The following GPD2 variants were observed in gnomAD, a reference collection of about 807,000 sequenced individuals.
GPD2 encodes the protein glycerol-3-phosphate dehydrogenase 2, also known as glycerol-3-phosphate dehydrogenase, mitochondrial.
Under a neutral mutation model 82.4 loss-of-function variants are expected in GPD2, and 54 were observed. The observed-to-expected ratio is 0.66, with a 90% CI of 0.53 to 0.82. The LOEUF (loss-of-function observed/expected upper bound fraction) is 0.82, where lower values mean the gene tolerates loss of function less well. Among genes scored for constraint, GPD2 ranks in the 40% least tolerant of loss-of-function variants. The pLI is 0.00. For synonymous variants in GPD2, 288 were observed against 306.1 expected, an observed-to-expected ratio of 0.94 and a Z score of 0.62; for missense variants, 748 against 896.2, an observed-to-expected ratio of 0.83 and a Z score of 2.11.
At chr2:156,426,498 G>A in the GPD2 span, among the ~76,000 whole-genome samples, 587 of 152,226 alleles carry the variant, frequency 3.9e-3, 4 homozygotes, top group Non-Finnish European at 7.1e-3. Flanking sequence ...TAACACATGG[G>A]AATTATAATT....
At chr2:156,535,235 A>G (rs1403667887) in intron 6 of GPD2, among the ~76,000 whole-genome samples, 1 of 151,678 alleles carries the variant, frequency 6.6e-6, no homozygotes, top group Non-Finnish European at 1.5e-5. Flanking sequence ...ATAGGAGGGC[A>G]TTAGATGAGA....
In GPD2 at chr2:156,550,714, T is replaced by C. The variant is rs1170895723; in HGVS notation, c.939T>C (p.Ala313=). The C allele has an allele frequency of 6.2e-7, 1 of 1,614,024 alleles. No homozygotes were observed. ...CAGCAGCTATCTGCCAGCCAAGTGC[T>C]GGTGTCCATATTGTGATGCCTGGTT... ...KDAAAICQPS[A]GVHIVMPGYY... The change falls in exon 8 of 17, where the codon GCT becomes GCC. Residue 313 remains alanine, a synonymous_variant. Coordinates refer to ENST00000438166, the MANE Select transcript of GPD2 (RefSeq NM_000408.5).
chr2:156,438,045 C>CTT (rs983708439), intron 1 of GPD2, among the ~76,000 whole-genome samples: 18 of 152,256 alleles, frequency 1.2e-4, no homozygotes, highest in African/African-American at 4.3e-4. Flanking sequence ...TTTCAAAACT[C>CTT]TAATGCCTGG....
intron 1 of GPD2, among the ~76,000 whole-genome samples, chr2:156,459,331 A>G (rs1025758922): frequency 6.6e-6 from 1 of 152,252 alleles, no homozygotes; most frequent in Admixed American, 6.5e-5. Flanking sequence ...TTTAGGTGGT[A>G]AAAATGGCAG....
In GPD2 at chr2:156,503,643, A is replaced by G. The variant is rs554414672; in HGVS notation, c.275-7153A>G. On this transcript the variant is annotated intron_variant, in intron 3 of 16. Coordinates refer to ENST00000438166, the MANE Select transcript of GPD2 (RefSeq NM_000408.5). ...GGGAAAATGGCTAAGATGTGTTACA[A>G]ATTTTAAAAAAGCAAGTTGTGAAGA... 2.0e-5 allele frequency among the ~76,000 whole-genome samples: 3 copies of G among 152,302 alleles called. No homozygotes were observed. The East Asian group carries it at 5.8e-4, about 29-fold the overall frequency.
chr2:156,480,173 A>C (rs1683671586), intron 2 of GPD2, among the ~76,000 whole-genome samples: 1 of 152,150 alleles, frequency 6.6e-6, no homozygotes, highest in Admixed American at 6.5e-5. Flanking sequence ...GGCTGGTGGG[A>C]GAATGGAGTA....
chr2:156,410,681 A>T, the GPD2 span, among the ~76,000 whole-genome samples: 1 of 152,084 alleles, frequency 6.6e-6, no homozygotes, highest in Non-Finnish European at 1.5e-5. Context: ...AACCATTAAC[A>T]CATTTGTCTT....
At chr2:156,475,563 G>A (rs747475489) in intron 1 of GPD2, among the ~76,000 whole-genome samples, 5 of 152,222 alleles carry the variant, frequency 3.3e-5, no homozygotes, top group Admixed American at 6.5e-5. Flanking sequence ...ATATAACACT[G>A]CTGGCTTTTG....
intron 1 of GPD2, among the ~76,000 whole-genome samples, chr2:156,443,439 A>G (rs897610776): frequency 1.3e-5 from 2 of 152,198 alleles, no homozygotes; most frequent in Admixed American, 6.5e-5. Flanking sequence ...TCCCCAATTC[A>G]GCAATAAGTG....
In GPD2 at chr2:156,476,200, G is replaced by T; in HGVS notation, c.95G>T (p.Arg32Met). Reference sequence around the variant, plus strand: ...CTTTCTCAGTTTGCTCATTACAGAAGGAAACAAGTAAGTAACTGTACTTGT... The same window carrying T: ...CTTTCTCAGTTTGCTCATTACAGAATGAAACAAGTAAGTAACTGTACTTGT... ...LGLSQFAHYR[R>M]KQMNLAYVKA... The change falls in exon 2 of 17, where the codon AGG becomes ATG. Residue 32 changes from arginine (R) to methionine (M), a missense_variant. Arg to Met is a moderately conservative substitution (Grantham distance 91, BLOSUM62 -1). This residue lies in a region of GPD2 where 692 missense variants were observed against 809.7 expected (regional missense o/e 0.85). Transcript: ENST00000438166. 1 of 1,554,312 alleles carries T rather than the reference G, an allele frequency of 6.4e-7. No homozygotes were observed. The highest frequency in any genetic ancestry group is 1.1e-5 in the South Asian group (1 of 89,814).
At chr2:156,495,871 T>A (rs979549141) in intron 2 of GPD2, among the ~76,000 whole-genome samples, 173 bp from the exon 3 acceptor site, 4 of 151,952 alleles carry the variant, frequency 2.6e-5, no homozygotes, top group Non-Finnish European at 5.9e-5. Flanking sequence ...CACCGAGAAA[T>A]GTAAGGATTG....
chr2:156,432,361 C>T (rs190471630), upstream of GPD2, among the ~76,000 whole-genome samples: 1 of 152,188 alleles, frequency 6.6e-6, no homozygotes, highest in Admixed American at 6.5e-5. Context: ...ATTCCATCAC[C>T]CACATACTGA....
At chr2:156,457,089 A>T (rs2105167680) in intron 1 of GPD2, among the ~76,000 whole-genome samples, 1 of 152,334 alleles carries the variant, frequency 6.6e-6, no homozygotes, top group East Asian at 1.9e-4. Flanking sequence ...ATTGACTCAT[A>T]GACTGTTTCC....
intron 1 of GPD2, among the ~76,000 whole-genome samples, chr2:156,452,808 G>A (rs746968689): frequency 2.0e-5 from 3 of 152,188 alleles, no homozygotes; most frequent in Non-Finnish European, 4.4e-5. Flanking sequence ...GGGATCTAGT[G>A]TACAAATAGA....
In GPD2 at chr2:156,505,386, C is replaced by T. The variant is rs374226167; in HGVS notation, c.275-5410C>T. On this transcript the variant is annotated intron_variant, in intron 3 of 16. Transcript: ENST00000438166. ...AAATATTAGTATTTTATTACTGTCG[C>T]AAAATTCCCCAGACTACCTACTAAA... Among the ~76,000 whole-genome samples the T allele has an allele frequency of 4.5e-4, 68 of 152,144 alleles. 1 individual carries two copies. Among genetic ancestry groups the T allele is most frequent in the Non-Finnish European group, 8.8e-4 (60 of 67,956 alleles).
intron 1 of GPD2, among the ~76,000 whole-genome samples, chr2:156,450,213 T>C (rs889741224): frequency 2.0e-5 from 3 of 152,168 alleles, no homozygotes; most frequent in African/African-American, 7.2e-5. Flanking sequence ...AGATATAAAG[T>C]GTTCTGCTTT....
intron 6 of GPD2, among the ~76,000 whole-genome samples, chr2:156,536,182 C>T (rs1165982777): frequency 3.3e-5 from 5 of 152,174 alleles, no homozygotes; most frequent in Non-Finnish European, 7.3e-5. Context: ...CATACGGTCA[C>T]GTCAAAGTGC....
chr2:156,506,933 C>A (rs1355160622), intron 3 of GPD2, among the ~76,000 whole-genome samples: 1 of 152,164 alleles, frequency 6.6e-6, no homozygotes, highest in Non-Finnish European at 1.5e-5. Context: ...AACAAGCACA[C>A]CCTGGTTCCC....
In GPD2 at chr2:156,528,691, C is replaced by T. The variant is rs1319558726; in HGVS notation, c.661+15195C>T. On this transcript the variant is annotated intron_variant, in intron 6 of 16. Coordinates refer to ENST00000438166, the MANE Select transcript of GPD2 (RefSeq NM_000408.5). ...CCTATGAGTGAGAATATGTGGTGTT[C>T]GGTTTTTTGTTCTTGCGATAGTTTA... is the stretch of plus-strand genomic sequence containing the variant. Among the ~76,000 whole-genome samples the T allele has an allele frequency of 1.6e-4, 24 of 147,996 alleles. No individual in the cohort carries two copies. The East Asian group carries it at 2.4e-3, about 15-fold the overall frequency.
Sources: allele counts gnomAD v4.1 joint callset (sites outside exome capture counted in the v4.1 genomes callset), GRCh38; gene constraint gnomAD v4.1.1; regional missense constraint gnomAD v4.1.1; transcripts MANE v1.5; gene names NCBI Gene and HGNC (gene_info 2026-07-23, HGNC 2026-07-21).